Variants in DISC1 observed in about 807,000 individuals in gnomAD.
DISC1 encodes DISC1 scaffold protein.
In DISC1, 57 loss-of-function variants were observed where a neutral mutation model predicts 84.5. The ratio of observed to expected loss-of-function variants is 0.67; its 90% CI spans 0.55 to 0.84. The LOEUF (loss-of-function observed/expected upper bound fraction) is 0.84. Among genes scored for constraint, DISC1 ranks in the 40% least tolerant of loss-of-function variants. The pLI, the probability that DISC1 is intolerant of heterozygous loss-of-function variation, is 0.00. For synonymous variants in DISC1, 411 were observed against 415.2 expected (o/e 0.99, Z 0.12); for missense variants, 1,000 against 1,057.8 (o/e 0.95, Z 0.76).
At chr1:231,978,673 A>G (rs988147496) in intron 10 of DISC1, among the ~76,000 whole-genome samples, 1 of 152,202 alleles carries the variant, frequency 6.6e-6, no homozygotes, top group Non-Finnish European at 1.5e-5. Context: ...TCTTTAGCCA[A>G]TGAGAGCCCC....
chr1:231,940,071 C>G (rs540725946), intron 9 of DISC1, among the ~76,000 whole-genome samples: 2 of 151,966 alleles, frequency 1.3e-5, no homozygotes, highest in South Asian at 4.2e-4. Context: ...TATTTTAACT[C>G]AGCTGTTTCC....
At chr1:231,919,487 T>C (rs370268452) in intron 9 of DISC1, among the ~76,000 whole-genome samples, 1 of 152,218 alleles carries the variant, frequency 6.6e-6, no homozygotes, top group East Asian at 1.9e-4. Flanking sequence ...TGGATGTTTT[T>C]GTCACAGCAG....
chr1:231,772,671 G>A (rs561009273), intron 6 of DISC1, among the ~76,000 whole-genome samples: 11 of 152,280 alleles, frequency 7.2e-5, no homozygotes, highest in South Asian at 2.1e-4. Flanking sequence ...TCCAGTCGTC[G>A]TCTTTACAAT....
In DISC1 at chr1:231,641,578, C is replaced by G. The variant is rs573575034; in HGVS notation, c.67+14644C>G. Reference sequence around the variant, plus strand: ...AAGCTTCCACAATGTGCAAAGGGACCGGAGAGGGTTGCCGCTGCTGGCGCC... The same window carrying G: ...AAGCTTCCACAATGTGCAAAGGGACGGGAGAGGGTTGCCGCTGCTGGCGCC... On this transcript the variant is annotated intron_variant, in intron 1 of 12. Transcript: ENST00000439617. Among the ~76,000 whole-genome samples, 12 of 152,276 alleles carry G rather than the reference C, an allele frequency of 7.9e-5. No individual in the cohort carries two copies. The East Asian group carries it at 2.3e-3, about 29-fold the overall frequency.
At chr1:231,986,132 A>G (rs1318854366) in intron 10 of DISC1, among the ~76,000 whole-genome samples, 2 of 152,182 alleles carry the variant, frequency 1.3e-5, no homozygotes, top group East Asian at 3.9e-4. Flanking sequence ...GAATGCATAA[A>G]AAGTGCCTCG....
At chr1:231,780,092 T>TG (rs768918797) in intron 6 of DISC1, among the ~76,000 whole-genome samples, 5 of 150,098 alleles carry the variant, frequency 3.3e-5, no homozygotes, top group South Asian at 2.1e-4. Context: ...TGTTGTGGGC[T>TG]GGGGGGAGGG....
chr1:231,908,902 A>ATTCCTAGG (rs1235540498), intron 9 of DISC1, among the ~76,000 whole-genome samples: 1 of 152,084 alleles, frequency 6.6e-6, no homozygotes, highest in Non-Finnish European at 1.5e-5. Flanking sequence ...TGTAAGTTGT[A>ATTCCTAGG]TTCCTAGGTA....
intron 9 of DISC1, among the ~76,000 whole-genome samples, chr1:231,823,238 C>CAT (rs10686734): frequency 0.33 from 50,494 of 151,734 alleles, 8,987 homozygotes; most frequent in East Asian, 0.77. Flanking sequence ...GTAGAAGAAA[C>CAT]TGATGAAAAA....
intron 9 of DISC1, among the ~76,000 whole-genome samples, chr1:231,835,268 C>T (rs2082545159): frequency 6.6e-6 from 1 of 152,196 alleles, no homozygotes; most frequent in Non-Finnish European, 1.5e-5. Context: ...GACCGCTAAA[C>T]AGGCTTTGTG....
intron 9 of DISC1, among the ~76,000 whole-genome samples, chr1:231,890,854 T>A (rs1046237718): frequency 2.0e-5 from 3 of 152,234 alleles, no homozygotes; most frequent in African/African-American, 7.2e-5. Context: ...CCATGCTGAT[T>A]ATGTTTCCTG....
rs1253339901 is a variant in DISC1 at position 232,031,840 on chromosome 1, G to A, written c.2426-4852G>A. Among the ~76,000 whole-genome samples the A allele has an allele frequency of 1.3e-5, 2 of 152,146 alleles. No homozygotes were observed. The highest frequency in any genetic ancestry group is 4.8e-5 in the African/African-American group (2 of 41,426). On this transcript the variant is annotated intron_variant, in intron 12 of 12. Transcript: ENST00000439617. This position sits in a 1 kb window ranked among gnomAD's most constrained non-coding sequence, Gnocchi z 4.6. The stretch of plus-strand genomic sequence containing the variant: ...TTTTCCTCTTTGCTCTTGAAAGACT[G>A]TGATCCTCATGGCTTTTCCATGAGG...
rs139985204 is a variant in DISC1, at chr1:231,742,102, C to A, written c.1118-7824C>A. On this transcript the variant is annotated intron_variant, in intron 3 of 12. Coordinates refer to ENST00000439617, the MANE Select transcript of DISC1 (RefSeq NM_018662.3). Reference sequence around the variant, plus strand: ...CAATGGCCTATGTGGCTCTGAAGATCAAGCCCACTCTCATACCCTCTCTCC... The same window carrying A: ...CAATGGCCTATGTGGCTCTGAAGATAAAGCCCACTCTCATACCCTCTCTCC... 6.8e-3 allele frequency among the ~76,000 whole-genome samples: 1,036 copies of A among 152,288 alleles called. 12 individuals are homozygous for A. The highest frequency in any genetic ancestry group is 0.023 in the African/African-American group (966 of 41,548).
In DISC1 at chr1:231,702,040, T is replaced by C; in HGVS notation, c.1117+16T>C. 1 of 1,599,178 alleles carries C rather than the reference T, an allele frequency of 6.3e-7. No individual in the cohort carries two copies. Among genetic ancestry groups the C allele is most frequent in the Non-Finnish European group, 8.5e-7 (1 of 1,175,710 alleles). On this transcript the variant is annotated intron_variant, in intron 3 of 12. Coordinates refer to ENST00000439617, the MANE Select transcript of DISC1 (RefSeq NM_018662.3). ...TATGATAAAGGTGAGTTTTAATTTGTTTATTGATTGTTTTGTCATCATGTC... is the reference window on the plus strand; with the variant it reads ...TATGATAAAGGTGAGTTTTAATTTGCTTATTGATTGTTTTGTCATCATGTC...
intron 3 of DISC1, chr1:231,723,302 G>A: frequency 2.0e-6 from 2 of 986,234 alleles, no homozygotes; most frequent in Non-Finnish European, 2.4e-6. Context: ...GTTGTTCAAG[G>A]GTCAACCATA....
At chr1:231,889,160 T>G (rs143397597) in intron 9 of DISC1, among the ~76,000 whole-genome samples, 71 of 152,270 alleles carry the variant, frequency 4.7e-4, no homozygotes, top group African/African-American at 1.6e-3. Flanking sequence ...AGCACCTGAG[T>G]TGACAGCAAG....
chr1:231,733,486 G>A (rs2071920890), intron 3 of DISC1, among the ~76,000 whole-genome samples: 1 of 151,316 alleles, frequency 6.6e-6, no homozygotes, highest in African/African-American at 2.4e-5. Context: ...AGTGGTAGTG[G>A]CTGTGGCAGT....
intron 8 of DISC1, among the ~76,000 whole-genome samples, chr1:231,801,542 G>C (rs199721794): frequency 9.1e-4 from 139 of 152,258 alleles, no homozygotes; most frequent in Admixed American, 2.4e-3. Context: ...AATTGGTGAG[G>C]CCTGATCTGC....
intron 12 of DISC1, among the ~76,000 whole-genome samples, chr1:232,033,032 A>G (rs1015392847): frequency 2.0e-5 from 3 of 152,158 alleles, no homozygotes; most frequent in African/African-American, 7.2e-5. Context: ...ATGGTTCAAT[A>G]TGAATGCCAG....
chr1:231,835,894 T>G (rs1021350885), intron 9 of DISC1, among the ~76,000 whole-genome samples: 3 of 152,210 alleles, frequency 2.0e-5, no homozygotes, highest in African/African-American at 7.2e-5. Context: ...GCAAATGATG[T>G]ACTAAACAAC....
Sources: gnomAD v4.1 joint callset for allele counts (sites outside exome capture counted in the v4.1 genomes callset) on GRCh38, gnomAD v4.1.1 for gene constraint, Gnocchi (gnomAD v3.1) non-coding constraint, MANE v1.5 for transcripts, NCBI Gene and HGNC (gene_info 2026-07-23, HGNC 2026-07-21) for gene names.